Variants in COX7B2 observed in about 807,000 individuals in gnomAD.
COX7B2 encodes the protein cytochrome c oxidase subunit 7B2, also known as cytochrome c oxidase subunit 7B2, mitochondrial.
For missense variants in COX7B2, 109 were observed against 95.9 expected (o/e 1.14, Z -0.57); for synonymous variants, 37 against 32.1 (o/e 1.15, Z -0.51).
intron 2 of COX7B2, among the ~76,000 whole-genome samples, chr4:46,838,173 T>C (rs1456581084): frequency 6.6e-6 from 1 of 152,052 alleles, no homozygotes; most frequent in Non-Finnish European, 1.5e-5. Flanking sequence ...AAAAGGTATA[T>C]AGGTTACATC....
chr4:46,805,186 C>T lies in COX7B2; in HGVS notation c.-50+39774G>A, dbSNP rs111704498. Among the ~76,000 whole-genome samples the T allele has an allele frequency of 1.4e-4, 22 of 152,292 alleles. 2 individuals carry two copies. The highest frequency in any genetic ancestry group is 3.8e-4 in the African/African-American group (16 of 41,586). On this transcript the variant is annotated intron_variant, in intron 2 of 2. Coordinates refer to ENST00000355591, the MANE Select transcript of COX7B2 (RefSeq NM_130902.3). Reference sequence around the variant, plus strand: ...CCATGCCTCTCCCTCCACACCTCCTCGCAGGCTGAGGGAGCCGGCTCTGGC... The same window carrying T: ...CCATGCCTCTCCCTCCACACCTCCTTGCAGGCTGAGGGAGCCGGCTCTGGC...
chr4:46,840,069 T>G lies in COX7B2; in HGVS notation c.-50+4891A>C, dbSNP rs1715826423. ...AGTGAAAAATCCAAAGGAAGGCAAT[T>G]GCTGGTATTGATTTAGAAGTTTAAG... On this transcript the variant is annotated intron_variant, in intron 2 of 2. Coordinates refer to ENST00000355591, the MANE Select transcript of COX7B2 (RefSeq NM_130902.3). Among the ~76,000 whole-genome samples, 3 of 151,894 alleles carry G rather than the reference T, an allele frequency of 2.0e-5. No individual in the cohort carries two copies. In the South Asian group the frequency reaches 6.2e-4, roughly 32 times the overall value.
chr4:46,744,824 C>A (rs796170950), intron 2 of COX7B2, among the ~76,000 whole-genome samples: 9 of 149,378 alleles, frequency 6.0e-5, no homozygotes, highest in African/African-American at 2.2e-4. Flanking sequence ...CTCACTGCAC[C>A]CTCCACCTCC....
intron 2 of COX7B2, among the ~76,000 whole-genome samples, chr4:46,803,250 G>A (rs923186737): frequency 3.9e-5 from 6 of 152,066 alleles, no homozygotes; most frequent in African/African-American, 7.2e-5. Context: ...GGCTTTGCGC[G>A]TAATTTCTTC....
intron 2 of COX7B2, among the ~76,000 whole-genome samples, chr4:46,815,144 C>T (rs895490244): frequency 2.2e-4 from 33 of 150,900 alleles, no homozygotes; most frequent in African/African-American, 7.6e-4. Context: ...CGAGATTGCA[C>T]CAGCCTAGGC....
chr4:46,751,678 G>C (rs1219705112), intron 2 of COX7B2, among the ~76,000 whole-genome samples: 1 of 151,876 alleles, frequency 6.6e-6, no homozygotes, highest in East Asian at 1.9e-4. Flanking sequence ...TACTAGGAAA[G>C]TGATTTTATA....
chr4:46,832,588 C>A (rs182277005), intron 2 of COX7B2, among the ~76,000 whole-genome samples: 1 of 151,934 alleles, frequency 6.6e-6, no homozygotes, highest in Admixed American at 6.6e-5. Flanking sequence ...CTGACCCCTC[C>A]AAATCTCATG....
intron 1 of COX7B2, among the ~76,000 whole-genome samples, chr4:46,868,533 G>A (rs1397286022): frequency 1.3e-5 from 2 of 152,092 alleles, no homozygotes; most frequent in Non-Finnish European, 2.9e-5. Flanking sequence ...CCTTAACACT[G>A]ACTTAGCTGT....
At chr4:46,755,589 C>A (rs1248852276) in intron 2 of COX7B2, among the ~76,000 whole-genome samples, 1 of 151,980 alleles carries the variant, frequency 6.6e-6, no homozygotes, top group African/African-American at 2.4e-5. Context: ...CCAAAAAATT[C>A]TCAGATTTGA....
intron 1 of COX7B2, among the ~76,000 whole-genome samples, chr4:46,875,169 G>A (rs1463088470): frequency 6.6e-6 from 1 of 152,016 alleles, no homozygotes; most frequent in East Asian, 1.9e-4. Flanking sequence ...TAATTTTTCT[G>A]TTTTGCTTTT....
intron 1 of COX7B2, among the ~76,000 whole-genome samples, chr4:46,854,751 T>G (rs955208192): frequency 6.6e-6 from 1 of 152,144 alleles, no homozygotes; most frequent in African/African-American, 2.4e-5. Context: ...TAAGATGCAG[T>G]CATTAAAGTA....
rs141249020 is a variant in COX7B2 at position 46,847,919 on chromosome 4, C to T, written c.-104-2905G>A. 7.7e-3 allele frequency among the ~76,000 whole-genome samples: 1,177 copies of T among 152,150 alleles called. 18 individuals are homozygous for T. Among genetic ancestry groups the T allele is most frequent in the African/African-American group, 0.027 (1,134 of 41,542 alleles). On this transcript the variant is annotated intron_variant, in intron 1 of 2. Transcript: ENST00000355591. Reference sequence around the variant, plus strand: ...GCCTCAAGGTCCTCTATTTTACCCCCTCTTAGCAGAAGGTGGTAAGAGGCA... The same window carrying T: ...GCCTCAAGGTCCTCTATTTTACCCCTTCTTAGCAGAAGGTGGTAAGAGGCA...
chr4:46,850,265 G>T (rs531377917), intron 1 of COX7B2, among the ~76,000 whole-genome samples: 1 of 149,294 alleles, frequency 6.7e-6, no homozygotes, highest in Non-Finnish European at 1.5e-5. Flanking sequence ...GATTTAAAAT[G>T]ATTTAAAAAT....
chr4:46,906,403 A>G (rs529474041), intron 1 of COX7B2, among the ~76,000 whole-genome samples: 2 of 152,310 alleles, frequency 1.3e-5, no homozygotes, highest in South Asian at 4.1e-4. Context: ...TTTCTGCTAC[A>G]TATTTTTCTG....
intron 2 of COX7B2, among the ~76,000 whole-genome samples, chr4:46,774,257 GCAACA>G (rs1717036965): frequency 6.6e-6 from 1 of 152,100 alleles, no homozygotes; most frequent in South Asian, 2.1e-4. Context: ...GGCTTGGTTA[GCAACA>G]CATTTATAAC....
chr4:46,735,124 T>C lies in COX7B2; in HGVS notation c.69A>G (p.Ala23=). The C allele has an allele frequency of 6.8e-6, 11 of 1,613,602 alleles. No homozygotes were observed. Among genetic ancestry groups the C allele is most frequent in the Non-Finnish European group, 9.3e-6 (11 of 1,179,688 alleles). ...GTGAGTGTTTTACATGGCTATGTCTTGCCATGCTTTGCAGAATGCTTTGAA... is the reference window on the plus strand; with the variant it reads ...GTGAGTGTTTTACATGGCTATGTCTCGCCATGCTTTGCAGAATGCTTTGAA... ...LKIQSILQSM[A]RHSHVKHSPD... is the part of the protein sequence containing the mutation. Residue 23 remains alanine, a synonymous_variant, in exon 3 of 3, where the codon GCA becomes GCG. Coordinates refer to ENST00000355591, the MANE Select transcript of COX7B2 (RefSeq NM_130902.3).
chr4:46,804,984 G>A (rs963774612), intron 2 of COX7B2, among the ~76,000 whole-genome samples: 3 of 152,214 alleles, frequency 2.0e-5, no homozygotes, highest in Admixed American at 6.5e-5. Flanking sequence ...CCTGCCGCAT[G>A]GGAGGCAGCT....
At chr4:46,773,304 G>A (rs1716981133) in intron 2 of COX7B2, among the ~76,000 whole-genome samples, 2 of 152,214 alleles carry the variant, frequency 1.3e-5, no homozygotes, top group South Asian at 4.1e-4. Flanking sequence ...TTACCCCCAT[G>A]CTGCTGTTAG....
chr4:46,868,468 T>C (rs1008467333), intron 1 of COX7B2, among the ~76,000 whole-genome samples: 3 of 152,188 alleles, frequency 2.0e-5, no homozygotes, highest in Non-Finnish European at 1.5e-5. Context: ...GTTAATATTG[T>C]TAATCTGAGG....
Sources: gnomAD v4.1 joint callset for allele counts (sites outside exome capture counted in the v4.1 genomes callset) on GRCh38, gnomAD v4.1.1 for gene constraint, MANE v1.5 for transcripts, NCBI Gene and HGNC (gene_info 2026-07-23, HGNC 2026-07-21) for gene names.